The following RABL3 variants were observed in gnomAD, a reference collection of about 807,000 sequenced individuals.
RABL3 encodes RAB, member of RAS oncogene family like 3, also known as rab-like protein 3.
In RABL3, 31 loss-of-function variants were observed where a neutral mutation model predicts 31.8. The observed-to-expected ratio is 0.97, with a 90% confidence interval of 0.73 to 1.31. The LOEUF is 1.31. Ranked by LOEUF, RABL3 falls within the 40% of genes most tolerant of loss-of-function variation. The probability of loss-of-function intolerance (pLI) is 0.00; values close to 1 mark genes in which losing one functional copy is unlikely to be tolerated. For missense variants in RABL3, 263 were observed against 279.6 expected, an observed-to-expected ratio of 0.94 and a Z score of 0.42; for synonymous variants, 97 against 99.9, an observed-to-expected ratio of 0.97 and a Z score of 0.18.
chr3:120,714,144 T>C (rs1559816953), intron 2 of RABL3, among the ~76,000 whole-genome samples: 1 of 152,070 alleles, frequency 6.6e-6, no homozygotes, highest in Non-Finnish European at 1.5e-5. Flanking sequence ...AGAAACATAT[T>C]TAGAAAAAAA....
chr3:120,731,827 G>A (rs951711211), intron 1 of RABL3, among the ~76,000 whole-genome samples: 1 of 151,974 alleles, frequency 6.6e-6, no homozygotes, highest in African/African-American at 2.4e-5. Context: ...TGAGGCAGGA[G>A]GATCACTTGA....
At chr3:120,703,464 T>TAAA (rs1708515827) in intron 4 of RABL3, among the ~76,000 whole-genome samples, 1 of 152,032 alleles carries the variant, frequency 6.6e-6, no homozygotes, top group Admixed American at 6.6e-5. Flanking sequence ...TTTATAGCAT[T>TAAA]AAAATACTTG....
At chr3:120,741,329 CTG>C (rs1384437043) in intron 1 of RABL3, among the ~76,000 whole-genome samples, 1 of 152,222 alleles carries the variant, frequency 6.6e-6, no homozygotes, top group Non-Finnish European at 1.5e-5. Context: ...ATAATGCTCT[CTG>C]TAAAATATTT....
At chr3:120,707,716 G>A (rs1306677321) in intron 3 of RABL3, among the ~76,000 whole-genome samples, 1 of 152,018 alleles carries the variant, frequency 6.6e-6, no homozygotes, top group Non-Finnish European at 1.5e-5. Flanking sequence ...TTGGACGGGG[G>A]AGTAAAAGAA....
chr3:120,698,476 A>G lies in RABL3; in HGVS notation c.481T>C (p.Leu161=). The change falls in exon 5 of 8, where the codon TTA becomes CTA. Residue 161 remains leucine, a synonymous_variant. Transcript: ENST00000273375. ...TCAGCCAGGAAAGCAGTCCTAGTTA[A>G]AACTTCATGGCGCTTTGTTTCATGA... is the stretch of plus-strand genomic sequence containing the variant. ...QIHETKRHEV[L]TRTAFLAEDF... The G allele has an allele frequency of 6.2e-7, 1 of 1,614,082 alleles. No homozygotes were observed. The highest frequency in any genetic ancestry group is 8.5e-7 in the Non-Finnish European group (1 of 1,179,962).
rs551973335 is a variant in RABL3, at chr3:120,732,127, T to G, written c.47-1340A>C. Among the ~76,000 whole-genome samples, 7 of 152,326 alleles carry G rather than the reference T, an allele frequency of 4.6e-5. No homozygotes were observed. In the East Asian group the frequency reaches 9.7e-4, roughly 21 times the overall value. ...TTTAATTCCACAAGAAAAGTTTTTC[T>G]ATGAGCAGGTGGTTATTGTGATTAT... On this transcript the variant is annotated intron_variant, in intron 1 of 7. Coordinates refer to ENST00000273375, the MANE Select transcript of RABL3 (RefSeq NM_173825.5).
intron 2 of RABL3, among the ~76,000 whole-genome samples, chr3:120,713,172 C>T (rs369404615): frequency 6.6e-6 from 1 of 152,194 alleles, no homozygotes; most frequent in Non-Finnish European, 1.5e-5. Context: ...ACCTGTTAGC[C>T]AGCACCTTTC....
chr3:120,719,540 C>A (rs1304468989), intron 2 of RABL3, among the ~76,000 whole-genome samples: 2 of 152,240 alleles, frequency 1.3e-5, no homozygotes, highest in Non-Finnish European at 2.9e-5. Context: ...AAAAGGCACA[C>A]CAGAAGATTG....
chr3:120,738,134 T>C (rs139340593), intron 1 of RABL3, among the ~76,000 whole-genome samples: 3,245 of 152,338 alleles, frequency 0.021, 54 homozygotes, highest in Middle Eastern at 0.054. Context: ...CAGGCCTCCT[T>C]GAGCTGCGGT....
intron 1 of RABL3, among the ~76,000 whole-genome samples, chr3:120,731,981 C>G (rs1466304630): frequency 6.6e-6 from 1 of 152,102 alleles, no homozygotes; most frequent in African/African-American, 2.4e-5. Flanking sequence ...ATCCCTTGAG[C>G]TCAGGAGTTG....
intron 4 of RABL3, among the ~76,000 whole-genome samples, chr3:120,705,435 G>C (rs1434121236): frequency 2.0e-5 from 3 of 152,160 alleles, no homozygotes; most frequent in Admixed American, 2.0e-4. Flanking sequence ...TACTGGTGAA[G>C]GGACAGACAC....
At chr3:120,702,392 C>T (rs183338019) in intron 4 of RABL3, among the ~76,000 whole-genome samples, 2 of 152,072 alleles carry the variant, frequency 1.3e-5, no homozygotes, top group East Asian at 1.9e-4. Context: ...ATAGGATTCA[C>T]GCTCCTATGA....
intron 2 of RABL3, among the ~76,000 whole-genome samples, chr3:120,720,198 CA>C (rs1708720943): frequency 6.6e-6 from 1 of 152,260 alleles, no homozygotes; most frequent in African/African-American, 2.4e-5. Flanking sequence ...TCACCATCAT[CA>C]AAGACCAAAG....
At chr3:120,691,372 T>C (rs375031662) in intron 6 of RABL3, among the ~76,000 whole-genome samples, 7 of 152,198 alleles carry the variant, frequency 4.6e-5, no homozygotes, top group African/African-American at 1.7e-4. Context: ...TTTGACTTTA[T>C]GGTGGTGTGA....
intron 1 of RABL3, among the ~76,000 whole-genome samples, chr3:120,740,659 G>T (rs1709030249): frequency 6.6e-6 from 1 of 152,330 alleles, no homozygotes; most frequent in Non-Finnish European, 1.5e-5. Flanking sequence ...AAAGGCTGAG[G>T]AAGTGTAAAA....
intron 2 of RABL3, among the ~76,000 whole-genome samples, chr3:120,726,599 C>T (rs1247698472): frequency 2.0e-5 from 3 of 151,966 alleles, no homozygotes; most frequent in Non-Finnish European, 2.9e-5. Flanking sequence ...AAAAATTAGC[C>T]GGCCATGGTG....
At chr3:120,717,437 C>A (rs1384783708) in intron 2 of RABL3, among the ~76,000 whole-genome samples, 3 of 152,068 alleles carry the variant, frequency 2.0e-5, no homozygotes, top group African/African-American at 7.2e-5. Flanking sequence ...TTCCAGTAAA[C>A]CCAGTAACGT....
In RABL3 at chr3:120,685,973, T is replaced by A. The variant is rs139438540; in HGVS notation, c.*3850A>T. On this transcript the variant is annotated 3_prime_UTR_variant, in exon 8 of 8. Transcript: ENST00000273375. ...CTTCAGAGTTTGAAAGCCCTCCATG[T>A]GAGTCCTTAATGGAGGTGCAGATTA... 6.2e-4 allele frequency among the ~76,000 whole-genome samples: 94 copies of A among 152,316 alleles called. 1 individual carries two copies. Among genetic ancestry groups the A allele is most frequent in the South Asian group, 3.7e-3 (18 of 4,826 alleles).
chr3:120,724,990 AACT>A (rs1708799825), intron 2 of RABL3, among the ~76,000 whole-genome samples: 1 of 152,152 alleles, frequency 6.6e-6, no homozygotes, highest in Non-Finnish European at 1.5e-5. Context: ...CAGCAAAAGA[AACT>A]ACCATCAGAG....
Sources: gnomAD v4.1 joint callset for allele counts (sites outside exome capture counted in the v4.1 genomes callset) on GRCh38, gnomAD v4.1.1 for gene constraint, MANE v1.5 for transcripts, NCBI Gene and HGNC (gene_info 2026-07-23, HGNC 2026-07-21) for gene names.